ZNF529: variants seen among roughly 807,000 people sequenced by gnomAD.
The protein encoded by ZNF529 is zinc finger protein 529.
ZNF529 carries 11 observed loss-of-function variants against 10.1 expected under a neutral mutation model. The observed-to-expected ratio is 1.09, with a 90% CI of 0.69 to 1.81. The LOEUF is 1.81. ZNF529 is among the 40% of genes most tolerant of loss of function. The pLI, the probability that ZNF529 is intolerant of heterozygous loss-of-function variation, is 0.00. For synonymous variants in ZNF529, 204 were observed against 215.7 expected (o/e 0.95, Z 0.47); for missense variants, 624 against 666.8 (o/e 0.94, Z 0.71).
chr19:36,585,835 C>T (rs1051928239), intron 2 of ZNF529, among the ~76,000 whole-genome samples: 6 of 152,194 alleles, frequency 3.9e-5, no homozygotes, highest in Non-Finnish European at 7.3e-5. Flanking sequence ...TGATGGTTAA[C>T]GATACTTAAC....
chr19:36,565,431 G>A (rs2035859686), intron 2 of ZNF529, among the ~76,000 whole-genome samples: 1 of 152,112 alleles, frequency 6.6e-6, no homozygotes, highest in Non-Finnish European at 1.5e-5. Flanking sequence ...GGCCGGGCGC[G>A]GTGGCTCACA....
chr19:36,574,259 CTT>C (rs1263682949), upstream of ZNF529, among the ~76,000 whole-genome samples: 1 of 152,120 alleles, frequency 6.6e-6, no homozygotes, highest in Non-Finnish European at 1.5e-5. Flanking sequence ...GGTGGCTGGC[CTT>C]CCAGGTCATA....
chr19:36,548,853 A>C (rs930499288), intron 4 of ZNF529, among the ~76,000 whole-genome samples: 1 of 152,134 alleles, frequency 6.6e-6, no homozygotes, highest in Non-Finnish European at 1.5e-5. Flanking sequence ...CTAAAATACA[A>C]ACAGCTGGGC....
rs1174016214 is a variant in ZNF529, at chr19:36,555,288, G to GT, written c.109-493dup. On this transcript the variant is annotated intron_variant, in intron 3 of 4. Coordinates refer to ENST00000591340, the MANE Select transcript of ZNF529 (RefSeq NM_020951.5). Reference sequence around the variant, plus strand: ...AACAATTATTACTTCCAGCGATAAAGTTTTTTTTTTTTTTTTGAGACGGAG... The same window carrying GT: ...AACAATTATTACTTCCAGCGATAAAGTTTTTTTTTTTTTTTTTGAGACGGAG... Among the ~76,000 whole-genome samples, 233 of 90,218 alleles carry GT rather than the reference G, an allele frequency of 2.6e-3. 24 individuals are homozygous for GT. Among genetic ancestry groups the GT allele is most frequent in the African/African-American group, 2.8e-3 (50 of 17,554 alleles). 59.2% of individuals were successfully genotyped at this position (90,218 alleles called of 152,430 possible).
At chr19:36,597,314 C>T (rs1165585613) in intron 1 of ZNF529, among the ~76,000 whole-genome samples, 1 of 151,852 alleles carries the variant, frequency 6.6e-6, no homozygotes, top group African/African-American at 2.4e-5. Flanking sequence ...TTCTTTTATT[C>T]CCCCATTCTT....
chr19:36,561,682 T>C (rs1409598214), intron 2 of ZNF529, among the ~76,000 whole-genome samples: 1 of 152,150 alleles, frequency 6.6e-6, no homozygotes, highest in African/African-American at 2.4e-5. Context: ...GCATGCAACA[T>C]GGGCCTGGGA....
intron 4 of ZNF529, among the ~76,000 whole-genome samples, chr19:36,552,433 C>A (rs920922795): frequency 7.9e-5 from 12 of 152,088 alleles, no homozygotes; most frequent in African/African-American, 2.9e-4. Context: ...TCAAAAAAAT[C>A]AATAAATAAA....
At chr19:36,593,369 A>G (rs964473893) in intron 1 of ZNF529, among the ~76,000 whole-genome samples, 1 of 152,036 alleles carries the variant, frequency 6.6e-6, no homozygotes, top group African/African-American at 2.4e-5. Context: ...AGTTTCCACC[A>G]TGTTGCCCAG....
intron 2 of ZNF529, among the ~76,000 whole-genome samples, chr19:36,568,660 C>G (rs1402708112): frequency 6.6e-6 from 1 of 152,012 alleles, no homozygotes; most frequent in Non-Finnish European, 1.5e-5. Context: ...TTAATAGAGA[C>G]AGGGTTTCAC....
upstream of ZNF529, chr19:36,574,882 A>T (rs749855187): frequency 3.5e-4 from 164 of 471,318 alleles, no homozygotes; most frequent in Admixed American, 2.3e-4. Flanking sequence ...TATTTAGAAG[A>T]AAAGTTGCTG....
At chr19:36,550,252 TCTA>T (rs1161467251) in intron 4 of ZNF529, among the ~76,000 whole-genome samples, 2 of 152,186 alleles carry the variant, frequency 1.3e-5, no homozygotes, top group Admixed American at 1.3e-4. Context: ...AAAGAAGCTC[TCTA>T]CTAGGCTGGG....
chr19:36,573,361 A>G (rs898987626), upstream of ZNF529: 2 of 448,966 alleles, frequency 4.5e-6, no homozygotes, highest in South Asian at 1.6e-5. Context: ...ACGTAGTCCA[A>G]CAACGAAAGA....
chr19:36,600,745 G>A (rs2036911126), intron 1 of ZNF529, among the ~76,000 whole-genome samples: 1 of 152,066 alleles, frequency 6.6e-6, no homozygotes, highest in African/African-American at 2.4e-5. Flanking sequence ...TAATTCCAAG[G>A]CAAATTATTC....
At position 36,547,338 on chromosome 19, in the gene ZNF529, G is replaced by T; in HGVS notation, c.1220C>A (p.Ser407Ter). ...KACGKVFRNS[S>*]SLTRHQRIHT... Reference sequence around the variant, plus strand: ...AATCCTCTGATGTCTAGTCAGGGATGAACTATTTCTAAAGACCTTTCCACA... The same window carrying T: ...AATCCTCTGATGTCTAGTCAGGGATTAACTATTTCTAAAGACCTTTCCACA... The change falls in exon 5 of 5, where the codon TCA becomes TAA. Residue 407 changes from serine (S) to a stop codon, truncating the protein, a stop_gained. Transcript: ENST00000591340. LOFTEE classifies it low-confidence loss of function (END_TRUNC). The T allele has an allele frequency of 6.2e-7, 1 of 1,613,834 alleles. No individual in the cohort carries two copies. The highest frequency in any genetic ancestry group is 1.3e-5 in the African/African-American group (1 of 75,000).
chr19:36,568,500 C>T (rs1437259652), intron 2 of ZNF529, among the ~76,000 whole-genome samples: 6 of 147,978 alleles, frequency 4.1e-5, no homozygotes, highest in Admixed American at 6.8e-5. Flanking sequence ...TACACAGAGT[C>T]TCACTTTGTC....
chr19:36,592,380 G>A (rs1221971651), intron 1 of ZNF529, among the ~76,000 whole-genome samples: 1 of 150,224 alleles, frequency 6.7e-6, no homozygotes, highest in Admixed American at 6.7e-5. Flanking sequence ...GACTGCCTGA[G>A]CTCCGGAGTT....
intron 2 of ZNF529, chr19:36,581,558 A>AC (rs2145242719): frequency 6.6e-6 from 1 of 152,120 alleles, no homozygotes; most frequent in African/African-American, 2.4e-5. Context: ...CGGACATGTG[A>AC]CCCCCAGTGT....
chr19:36,547,910 T>C lies in ZNF529; in HGVS notation c.648A>G (p.Leu216=), dbSNP rs1373437989. ...TCACACCAGTATGAATATTCAGTTG[T>C]AACATACTGGAGTTATCTATCCCAA... The part of the protein sequence containing the change: ...KTFGIDNSSM[L]QLNIHTGVKP... Residue 216 remains leucine (L), a synonymous_variant, in exon 5 of 5, where the codon TTA becomes TTG. Transcript: ENST00000591340. The C allele has an allele frequency of 6.2e-7, 1 of 1,612,694 alleles. No homozygotes were observed. The highest frequency in any genetic ancestry group is 8.5e-7 in the Non-Finnish European group (1 of 1,179,120).
At chr19:36,559,665 A>C (rs1163810315) in intron 2 of ZNF529, among the ~76,000 whole-genome samples, 2 of 152,226 alleles carry the variant, frequency 1.3e-5, no homozygotes, top group Non-Finnish European at 2.9e-5. Flanking sequence ...ATTCATAATA[A>C]CCAAGGTATG....
Sources: gnomAD v4.1 joint callset for allele counts (sites outside exome capture counted in the v4.1 genomes callset) on GRCh38, gnomAD v4.1.1 for gene constraint, MANE v1.5 for transcripts, NCBI Gene and HGNC (gene_info 2026-07-23, HGNC 2026-07-21) for gene names.